AXL: variants seen among roughly 807,000 people sequenced by gnomAD.
AXL encodes the protein AXL receptor tyrosine kinase.
In AXL, 52 loss-of-function variants were observed where a neutral mutation model predicts 104.5. That is an observed-to-expected ratio of 0.50 (90% CI 0.40 to 0.63). The LOEUF is 0.63. AXL is among the 20% of genes least tolerant of loss of function. The pLI, the probability that AXL is intolerant of heterozygous loss-of-function variation, is 0.00. For missense variants in AXL, 1,024 were observed against 1,188.5 expected, an observed-to-expected ratio of 0.86 and a Z score of 2.04; for synonymous variants, 455 against 473.7, an observed-to-expected ratio of 0.96 and a Z score of 0.51.
rs1033533811 is a variant in AXL at position 41,220,311 on chromosome 19, C to T, written c.86-325C>T. ...CTTCCCCTCCATCCACCAGCACCAG[C>T]GCGACCTGTTAAGTCTCTAGAGACC... On this transcript the variant is annotated intron_variant, in intron 1 of 19. Transcript: ENST00000301178. The T allele has an allele frequency of 3.0e-4, 78 of 261,520 alleles. 1 individual carries two copies. Among genetic ancestry groups the T allele is most frequent in the Non-Finnish European group, 3.3e-4 (45 of 135,716 alleles). 16.2% of individuals were successfully genotyped at this position (261,520 alleles called of 1,614,324 possible).
In AXL at chr19:41,220,693, G is replaced by A. The variant is rs200598880; in HGVS notation, c.143G>A (p.Arg48Gln). Residue 48 changes from arginine to glutamine, a missense_variant, in exon 2 of 20, where the codon CGG (arginine) becomes CAG (glutamine). Coordinates refer to ENST00000301178, the MANE Select transcript of AXL (RefSeq NM_021913.5). ...VGNPGNITGA[R>Q]GLTGTLRCQL... is the part of the protein sequence containing the mutation. ...AACCCAGGGAATATCACAGGTGCCCGGGGACTCACGGGCACCCTTCGGTGT... is the reference window on the plus strand; with the variant it reads ...AACCCAGGGAATATCACAGGTGCCCAGGGACTCACGGGCACCCTTCGGTGT... The A allele has an allele frequency of 2.0e-5, 33 of 1,611,924 alleles. No individual in the cohort carries two copies. In the East Asian group the frequency reaches 3.1e-4, roughly 15 times the overall value.
At chr19:41,223,164 G>A (rs539009027) in intron 4 of AXL, among the ~76,000 whole-genome samples, 1 of 151,892 alleles carries the variant, frequency 6.6e-6, no homozygotes, top group East Asian at 2.0e-4. Context: ...GCGTGGTGAC[G>A]GGCATCTGTA....
At chr19:41,258,185 T>G (rs1464245238) in intron 19 of AXL, among the ~76,000 whole-genome samples, 1 of 152,240 alleles carries the variant, frequency 6.6e-6, no homozygotes, top group Non-Finnish European at 1.5e-5. Flanking sequence ...AGAGGATGAC[T>G]TTGGGTCAGG....
intron 4 of AXL, among the ~76,000 whole-genome samples, chr19:41,225,387 G>GCTT (rs1379003144): frequency 6.6e-6 from 1 of 152,194 alleles, no homozygotes; most frequent in Non-Finnish European, 1.5e-5. Flanking sequence ...GTAGATGGAG[G>GCTT]CTTGGCTGTG....
chr19:41,240,997 C>T (rs2034172198), intron 10 of AXL, among the ~76,000 whole-genome samples: 1 of 152,112 alleles, frequency 6.6e-6, no homozygotes, highest in South Asian at 2.1e-4. Context: ...TCCACCCCTG[C>T]CCTTTTTACA....
rs566342269 is a variant in AXL at position 41,219,247 on chromosome 19, C to T, written c.-146C>T. The T allele has an allele frequency of 2.5e-5, 18 of 718,462 alleles. No individual in the cohort carries two copies. The highest frequency in any genetic ancestry group is 3.6e-5 in the African/African-American group (2 of 55,754). The allele number at this position is 718,462 out of a possible 1,614,324, so 44.5% of individuals were successfully genotyped here. A position where few individuals can be genotyped will look rare whatever the true frequency, so the allele number is the denominator to read the frequency against. On this transcript the variant is annotated 5_prime_UTR_variant, in exon 1 of 20. Transcript: ENST00000301178. ...TGAGAAGGCGGCTGCTGGGCAGAGC[C>T]GGTGGCAAGGGCCTCCCCTGCCGCT...
intron 19 of AXL, among the ~76,000 whole-genome samples, chr19:41,259,011 C>T (rs2034495413): frequency 6.6e-6 from 1 of 152,140 alleles, no homozygotes; most frequent in South Asian, 2.1e-4. Flanking sequence ...CCCTTTGTGG[C>T]ACTGCTTGAG....
At chr19:41,227,524 C>T (rs1259061181) in intron 4 of AXL, among the ~76,000 whole-genome samples, 4 of 148,316 alleles carry the variant, frequency 2.7e-5, no homozygotes, top group African/African-American at 7.5e-5. Context: ...CTCTCTCTGT[C>T]GCCCAGGCTG....
At position 41,249,275 on chromosome 19, in the gene AXL, T is replaced by G. The variant is rs139137774; in HGVS notation, c.1711+455T>G. 8.0e-5 allele frequency among the ~76,000 whole-genome samples: 12 copies of G among 150,616 alleles called. No individual in the cohort carries two copies. The East Asian group carries it at 2.4e-3, about 30-fold the overall frequency. On this transcript the variant is annotated intron_variant, in intron 14 of 19. Coordinates refer to ENST00000301178, the MANE Select transcript of AXL (RefSeq NM_021913.5). The stretch of plus-strand genomic sequence containing the variant: ...GCAATATGGTGAAACCACATGTCTA[T>G]GAAAAAAAAAATAATAATAGTAACA...
chr19:41,229,766 G>T (rs970022802), intron 4 of AXL, among the ~76,000 whole-genome samples: 3 of 152,172 alleles, frequency 2.0e-5, no homozygotes, highest in Non-Finnish European at 4.4e-5. Flanking sequence ...GGCCGGAGAA[G>T]AGCGTGTGAC....
In AXL at chr19:41,235,399, T is replaced by TAGAC. The variant is rs1555730395; in HGVS notation, c.784-2542_784-2541insCAGA. On this transcript the variant is annotated intron_variant, in intron 6 of 19. Transcript: ENST00000301178. ...ATAGATAGATAGATAGATAGATAGA[T>TAGAC]AGATAGATAGATAATAAATGACAGT... Among the ~76,000 whole-genome samples, 846 of 99,784 alleles carry TAGAC rather than the reference T, an allele frequency of 8.5e-3. 4 individuals carry two copies. Among genetic ancestry groups the TAGAC allele is most frequent in the Non-Finnish European group, 0.012 (559 of 47,542 alleles). The allele number at this position is 99,784 out of a possible 152,430, so 65.5% of individuals were successfully genotyped here.
rs561733832 is a variant in AXL at position 41,231,952 on chromosome 19, A to C, written c.783+654A>C. Among the ~76,000 whole-genome samples the C allele has an allele frequency of 1.1e-4, 16 of 144,180 alleles. No individual in the cohort carries two copies. In the East Asian group the frequency reaches 1.4e-3, roughly 12 times the overall value. 94.6% of individuals were successfully genotyped at this position (144,180 alleles called of 152,430 possible). On this transcript the variant is annotated intron_variant, in intron 6 of 19. Coordinates refer to ENST00000301178, the MANE Select transcript of AXL (RefSeq NM_021913.5). The stretch of plus-strand genomic sequence containing the variant: ...AAAAAAAAAAAAGAAACAACAACAA[A>C]AAAAATTTAACAAAATGAAAATGAT...
chr19:41,239,939 TG>T (rs1227169329), intron 10 of AXL, among the ~76,000 whole-genome samples: 1 of 152,076 alleles, frequency 6.6e-6, no homozygotes, highest in East Asian at 1.9e-4. Context: ...GGTGGATGGA[TG>T]AACAAATAGA....
At chr19:41,227,063 A>G (rs2033894200) in intron 4 of AXL, among the ~76,000 whole-genome samples, 1 of 152,146 alleles carries the variant, frequency 6.6e-6, no homozygotes. Flanking sequence ...GTGCCACTGT[A>G]CTGCAGCCTG....
At chr19:41,219,596 AC>A in intron 1 of AXL, 119 bp downstream of exon 1, 3 of 1,191,356 alleles carry the variant, frequency 2.5e-6, no homozygotes, top group Admixed American at 4.4e-5. Flanking sequence ...TTTCCTTGGG[AC>A]CACAGAAAAG....
Position 41,251,699 on chromosome 19 carries a change from G to A in AXL, c.1712-652G>A, listed in dbSNP as rs573088222. The stretch of plus-strand genomic sequence containing the variant: ...GATTGCATCCATCCTGGGTGACAGC[G>A]CAAGACCCTGTCTCAAAAAATAAAA... On this transcript the variant is annotated intron_variant, in intron 14 of 19. Coordinates refer to ENST00000301178, the MANE Select transcript of AXL (RefSeq NM_021913.5). 1.1e-4 allele frequency among the ~76,000 whole-genome samples: 16 copies of A among 151,638 alleles called. No homozygotes were observed. In the South Asian group the frequency reaches 3.1e-3, roughly 30 times the overall value.
intron 4 of AXL, among the ~76,000 whole-genome samples, chr19:41,228,562 A>G (rs939916548): frequency 1.3e-5 from 2 of 152,050 alleles, no homozygotes; most frequent in African/African-American, 4.8e-5. Flanking sequence ...AAAACAAAAG[A>G]AAAAAACAGT....
At position 41,238,154 on chromosome 19, in the gene AXL, G is replaced by A. The variant is rs372719583; in HGVS notation, c.994G>A (p.Val332Met). The change falls in exon 7 of 20, where the codon GTG becomes ATG. Residue 332 changes from valine (V) to methionine (M), a missense_variant and splice_region_variant. Val to Met is a conservative substitution (Grantham distance 21). Coordinates refer to ENST00000301178, the MANE Select transcript of AXL (RefSeq NM_021913.5). The part of the protein sequence containing the change: ...HWLPVETPEG[V>M]PLGPPENISA... The stretch of plus-strand genomic sequence containing the variant: ...GCTTCCTGTGGAGACGCCGGAGGGA[G>A]GTAAGAAGGGTTGGGGAGGGACACG... 5.6e-6 allele frequency: 9 copies of A among 1,613,844 alleles called. No individual in the cohort carries two copies. The highest frequency in any genetic ancestry group is 1.1e-5 in the South Asian group (1 of 91,088).
chr19:41,243,610 C>A lies in AXL; in HGVS notation c.1446-6C>A. On this transcript the variant is annotated splice_region_variant and splice_polypyrimidine_tract_variant and intron_variant, in intron 11 of 19. Transcript: ENST00000301178. ...CCTGCCCTCACCTACTCCCCCTCCC[C>A]CCCAGAGAAGTGTTTGAACCAACAG... The A allele has an allele frequency of 6.2e-7, 1 of 1,613,480 alleles. No individual in the cohort carries two copies. Among genetic ancestry groups the A allele is most frequent in the Admixed American group, 1.7e-5 (1 of 59,994 alleles).
Sources: gnomAD v4.1 joint callset for allele counts (sites outside exome capture counted in the v4.1 genomes callset) on GRCh38, gnomAD v4.1.1 for gene constraint, MANE v1.5 for transcripts, NCBI Gene and HGNC (gene_info 2026-07-23, HGNC 2026-07-21) for gene names.